The following NCOR2 variants were observed in gnomAD, a reference collection of about 807,000 sequenced individuals.
NCOR2 encodes nuclear receptor corepressor 2, also known as CTG repeat protein 26.
A neutral mutation model predicts 262.9 loss-of-function variants in NCOR2; 81 were observed. The observed-to-expected ratio is 0.31, with a 90% CI of 0.26 to 0.37. NCOR2 has a LOEUF of 0.37. Ranked by LOEUF, NCOR2 falls within the 10% of genes least tolerant of loss-of-function variation. NCOR2 has a pLI of 1.00. For missense variants in NCOR2, 3,385 were observed against 3,621.4 expected (o/e 0.93, Z 1.68); for synonymous variants, 1,659 against 1,559.3 (o/e 1.06, Z -1.51).
chr12:124,555,423 G>A (rs963471293), intron 1 of NCOR2, among the ~76,000 whole-genome samples: 6 of 152,172 alleles, frequency 3.9e-5, no homozygotes, highest in South Asian at 2.1e-4. Flanking sequence ...GGGGCATCCC[G>A]ACCCAGCCCC....
chr12:124,349,063 T>A (rs1287659336), intron 28 of NCOR2: 1 of 152,306 alleles, frequency 6.6e-6, no homozygotes, highest in Non-Finnish European at 1.5e-5. Context: ...CCGATGTGCA[T>A]GTGAGTGTCC....
rs1555297262 is a variant in NCOR2, at chr12:124,325,384, C to CG, written c.*17_*18insC. On this transcript the variant is annotated 3_prime_UTR_variant, in exon 47 of 47. Transcript: ENST00000405201. ...TCGCTGGGACCTGACACCGCCCCCC[C>CG]CCCCGCCCTGTTCTGAGTCACTCGC... 5 of 486,696 alleles carry CG rather than the reference C, an allele frequency of 1.0e-5. 1 individual carries two copies. Among genetic ancestry groups the CG allele is most frequent in the South Asian group, 6.4e-5 (1 of 15,564 alleles). 30.1% of individuals were successfully genotyped at this position (486,696 alleles called of 1,614,324 possible).
chr12:124,337,048 G>T (rs945502434), exon 38 of NCOR2: 1 of 1,495,610 alleles, frequency 6.7e-7, no homozygotes, highest in Non-Finnish European at 8.9e-7. Flanking sequence ...GGGCGACCCG[G>T]GGGGCCTCCT....
intron 7 of NCOR2, among the ~76,000 whole-genome samples, chr12:124,447,698 C>T (rs4765566): frequency 0.11 from 15,445 of 145,998 alleles, 911 homozygotes; most frequent in East Asian, 0.18. Context: ...TTCTTTCTTT[C>T]TTTTTTTTTT....
chr12:124,350,479 G>T, intron 28 of NCOR2, 108 bp downstream of exon 30: 3 of 1,435,824 alleles, frequency 2.1e-6, no homozygotes, highest in Non-Finnish European at 2.8e-6. Context: ...CCACCTATCA[G>T]ATTGTGCTTT....
At chr12:124,563,663 C>T (rs2052141399) in intron 1 of NCOR2, among the ~76,000 whole-genome samples, 1 of 152,282 alleles carries the variant, frequency 6.6e-6, no homozygotes, top group African/African-American at 2.4e-5. Context: ...CATTTCAAAA[C>T]AAACACAGCA....
chr12:124,340,592 G>A lies in NCOR2; in HGVS notation c.5338+10C>T, dbSNP rs781076044. On this transcript the variant is annotated intron_variant, in intron 35 of 46. Coordinates refer to ENST00000405201, the Ensembl canonical transcript of NCOR2. ...CGGGGTCCCCACCCCAGACTGGGCAGTGGCGCTACCTGGGGAGAGTGGGGA... is the reference window on the plus strand; with the variant it reads ...CGGGGTCCCCACCCCAGACTGGGCAATGGCGCTACCTGGGGAGAGTGGGGA... The A allele has an allele frequency of 4.6e-6, 7 of 1,505,506 alleles. No homozygotes were observed. The highest frequency in any genetic ancestry group is 2.3e-5 in the East Asian group (1 of 43,296). 93.3% of individuals were successfully genotyped at this position (1,505,506 alleles called of 1,614,324 possible). A position where few individuals can be genotyped will look rare whatever the true frequency, so the allele number is the denominator to read the frequency against.
At position 124,326,299 on chromosome 12, in the gene NCOR2, C is replaced by A. The variant is rs774818684; in HGVS notation, c.7255G>T (p.Ala2419Ser). ...ACAGAGGGTGGCCGGTCCCCAGATG[C>A]CAGGCCCGGGGCCGGGGACTTGGCT... The change falls in exon 46 of 47, where the codon GCA becomes TCA. Residue 2419 changes from alanine (A) to serine (S), a missense_variant. Around this residue, in one of 5 missense-constraint regions of NCOR2, gnomAD observed 1,017 missense variants for 967.2 expected, o/e 1.05. Coordinates refer to ENST00000405201, the Ensembl canonical transcript of NCOR2. 2.6e-6 allele frequency: 4 copies of A among 1,564,568 alleles called. No individual in the cohort carries two copies. The Admixed American group carries it at 7.5e-5, about 29-fold the overall frequency.
At chr12:124,333,010 T>C (rs1593084309) in intron 42 of NCOR2, 120 bp downstream of exon 44, 3 of 1,353,154 alleles carry the variant, frequency 2.2e-6, no homozygotes, top group Non-Finnish European at 3.0e-6. Flanking sequence ...AGGCTTGAGG[T>C]CACCCAGCTG....
intron 13 of NCOR2, among the ~76,000 whole-genome samples, chr12:124,405,864 T>C (rs573822062): frequency 6.6e-6 from 1 of 152,098 alleles, no homozygotes; most frequent in Non-Finnish European, 1.5e-5. Context: ...GGCCTGTCCA[T>C]AGAGCGGCAG....
In NCOR2 at chr12:124,378,200, C is replaced by T. The variant is rs2040167332; in HGVS notation, c.2167+37G>A. 3.1e-6 allele frequency: 5 copies of T among 1,603,390 alleles called. No individual in the cohort carries two copies. The highest frequency in any genetic ancestry group is 1.3e-5 in the African/African-American group (1 of 74,874). On this transcript the variant is annotated intron_variant, in intron 18 of 46. Transcript: ENST00000405201. The surrounding 1 kb of genome is among the most constrained non-coding windows in gnomAD (Gnocchi z 4.2). ...TGCCCTCCCTCAGAGCTCGGACCCACAGCTGCCAGCCACCTCCAAGCCGCG... is the reference window on the plus strand; with the variant it reads ...TGCCCTCCCTCAGAGCTCGGACCCATAGCTGCCAGCCACCTCCAAGCCGCG...
exon 2 of NCOR2, chr12:124,486,565 C>A (rs747399088): frequency 6.4e-7 from 1 of 1,570,282 alleles, no homozygotes; most frequent in Admixed American, 1.9e-5. Context: ...AGGAGCCCGA[C>A]GTCCTGCAGG....
Position 124,454,479 on chromosome 12 carries a change from C to T in NCOR2, c.762+2627G>A, listed in dbSNP as rs2045728252. On this transcript the variant is annotated intron_variant, in intron 6 of 46. Coordinates refer to ENST00000405201, the Ensembl canonical transcript of NCOR2. This position sits in a 1 kb window ranked among gnomAD's most constrained non-coding sequence, Gnocchi z 5.6. ...TCTGACACCAGCAGCTGCCCACCCC[C>T]ATCTGCCCACAGACTCCCACGGACA... 6.6e-6 allele frequency among the ~76,000 whole-genome samples: 1 copy of T among 152,192 alleles called. No individual in the cohort carries two copies. Among genetic ancestry groups the T allele is most frequent in the Admixed American group, 6.5e-5 (1 of 15,286 alleles).
At chr12:124,368,614 C>T (rs868045300) in intron 20 of NCOR2, among the ~76,000 whole-genome samples, 1 of 152,240 alleles carries the variant, frequency 6.6e-6, no homozygotes, top group Non-Finnish European at 1.5e-5. Context: ...ACTGGACATA[C>T]GCTCATGCGG....
chr12:124,543,799 C>T (rs1029299509), intron 1 of NCOR2, among the ~76,000 whole-genome samples: 1 of 152,212 alleles, frequency 6.6e-6, no homozygotes, highest in Admixed American at 6.5e-5. Flanking sequence ...GCCGCGGAGG[C>T]CCCACGCGGC....
Position 124,521,601 on chromosome 12 carries a change from G to C in NCOR2, c.-118+13964C>G, listed in dbSNP as rs147867964. On this transcript the variant is annotated intron_variant, in intron 1 of 46. Transcript: ENST00000404621. ...AGATTGGTAGCTGCCAGGGGCTGCG[G>C]GAGGCGGCAACGTGAAGTGACCCCA... 8.8e-3 allele frequency among the ~76,000 whole-genome samples: 1,339 copies of C among 152,262 alleles called. 21 individuals carry two copies. Among genetic ancestry groups the C allele is most frequent in the African/African-American group, 0.03 (1,245 of 41,538 alleles).
At chr12:124,394,636 T>A (rs2041535352) in intron 16 of NCOR2, among the ~76,000 whole-genome samples, 1 of 152,088 alleles carries the variant, frequency 6.6e-6, no homozygotes, top group African/African-American at 2.4e-5. Flanking sequence ...CCTGGAGGGA[T>A]GTGGTCATGA....
At chr12:124,362,764 G>T (rs1383336307) in intron 21 of NCOR2, among the ~76,000 whole-genome samples, 1 of 150,662 alleles carries the variant, frequency 6.6e-6, no homozygotes, top group African/African-American at 2.5e-5. Context: ...TGGTGCACAG[G>T]GGGAGCTCAC....
intron 1 of NCOR2, among the ~76,000 whole-genome samples, chr12:124,535,358 C>T (rs1195199645): frequency 6.6e-6 from 1 of 152,254 alleles, no homozygotes; most frequent in South Asian, 2.1e-4. Flanking sequence ...AGGAAACGGC[C>T]CATCACTGGG....
Sources: gnomAD v4.1 joint callset for allele counts (sites outside exome capture counted in the v4.1 genomes callset) on GRCh38, gnomAD v4.1.1 for gene constraint, gnomAD v4.1.1 regional missense constraint, Gnocchi (gnomAD v3.1) non-coding constraint, MANE v1.5 for transcripts, NCBI Gene and HGNC (gene_info 2026-07-23, HGNC 2026-07-21) for gene names.